The following GABRG3 variants were observed in gnomAD, a reference collection of about 807,000 sequenced individuals.
GABRG3 encodes the protein gamma-aminobutyric acid receptor subunit gamma-3.
A neutral mutation model predicts 48.8 loss-of-function variants in GABRG3; 25 were observed. The observed-to-expected ratio is 0.51, with a 90% confidence interval of 0.37 to 0.72. The LOEUF (loss-of-function observed/expected upper bound fraction) is 0.72. GABRG3 is among the 30% of genes least tolerant of loss of function. The pLI is 0.00. For missense variants in GABRG3, 394 were observed against 577.9 expected, an observed-to-expected ratio of 0.68 and a Z score of 3.26; for synonymous variants, 227 against 217.6, an observed-to-expected ratio of 1.04 and a Z score of -0.38.
chr15:27,028,481 A>G (rs957318124), intron 3 of GABRG3, among the ~76,000 whole-genome samples: 4 of 152,114 alleles, frequency 2.6e-5, no homozygotes, highest in Non-Finnish European at 5.9e-5. Context: ...TTTTCCCATC[A>G]GAGATCTGAG....
At chr15:27,517,125 G>A (rs112490865) in intron 6 of GABRG3, among the ~76,000 whole-genome samples, 3 of 151,148 alleles carry the variant, frequency 2.0e-5, no homozygotes, top group African/African-American at 4.9e-5. Flanking sequence ...GACTAGTGCC[G>A]CCTCTATCAT....
Position 27,433,704 on chromosome 15 carries a change from G to A in GABRG3, c.575-46946G>A, listed in dbSNP as rs1888525034. On this transcript the variant is annotated intron_variant, in intron 5 of 9. Transcript: ENST00000615808. ...TATGTGTGTCGATATGGTTCATATG[G>A]CAAACAATTGCTCTATCGCTATGGA... is the stretch of plus-strand genomic sequence containing the variant. 4.6e-5 allele frequency among the ~76,000 whole-genome samples: 7 copies of A among 152,128 alleles called. No individual in the cohort carries two copies. The South Asian group carries it at 1.4e-3, about 31-fold the overall frequency.
chr15:27,165,841 G>C (rs1887353415), intron 3 of GABRG3, among the ~76,000 whole-genome samples: 1 of 152,146 alleles, frequency 6.6e-6, no homozygotes, highest in Admixed American at 6.5e-5. Flanking sequence ...CAAAGGAGGA[G>C]GTGGTTGCTA....
At chr15:27,369,479 T>C (rs1378075135) in intron 5 of GABRG3, among the ~76,000 whole-genome samples, 1 of 152,162 alleles carries the variant, frequency 6.6e-6, no homozygotes, top group Non-Finnish European at 1.5e-5. Context: ...CTGGAAGATA[T>C]TCTAGGAATA....
intron 3 of GABRG3, among the ~76,000 whole-genome samples, chr15:27,261,847 T>C (rs1033751729): frequency 6.6e-6 from 1 of 152,206 alleles, no homozygotes; most frequent in African/African-American, 2.4e-5. Flanking sequence ...CCACTCTCTA[T>C]ATTTATATCT....
intron 3 of GABRG3, among the ~76,000 whole-genome samples, chr15:27,218,390 A>T (rs1231218231): frequency 6.6e-6 from 1 of 152,224 alleles, no homozygotes; most frequent in Admixed American, 6.5e-5. Context: ...GCTCTTATTC[A>T]GAAAAGGGGA....
At chr15:27,316,216 T>A (rs1893210428) in intron 3 of GABRG3, among the ~76,000 whole-genome samples, 1 of 151,334 alleles carries the variant, frequency 6.6e-6, no homozygotes, top group African/African-American at 2.4e-5. Context: ...TGAAACCCCG[T>A]CTCTACTAAA....
At chr15:27,122,978 G>T (rs182125981) in intron 3 of GABRG3, among the ~76,000 whole-genome samples, 68 of 152,298 alleles carry the variant, frequency 4.5e-4, no homozygotes, top group Non-Finnish European at 8.7e-4. Context: ...CCTCTAGTAA[G>T]ATGAAGGGCA....
chr15:27,491,517 C>T (rs1890355078), intron 6 of GABRG3, among the ~76,000 whole-genome samples: 1 of 152,208 alleles, frequency 6.6e-6, no homozygotes, highest in Admixed American at 6.5e-5. Context: ...TCTACTACCA[C>T]CTTGATTCTA....
chr15:27,470,131 C>T (rs1276429756), intron 5 of GABRG3, among the ~76,000 whole-genome samples: 1 of 152,168 alleles, frequency 6.6e-6, no homozygotes, highest in African/African-American at 2.4e-5. Flanking sequence ...AATTCTTTCC[C>T]TTTACTTATC....
chr15:27,066,673 A>G (rs1272591148), intron 3 of GABRG3, among the ~76,000 whole-genome samples: 1 of 151,912 alleles, frequency 6.6e-6, no homozygotes, highest in Non-Finnish European at 1.5e-5. Context: ...CCACAGAGAG[A>G]GGCCAGAGCC....
chr15:27,093,010 C>T (rs1166029421), intron 3 of GABRG3, among the ~76,000 whole-genome samples: 1 of 152,034 alleles, frequency 6.6e-6, no homozygotes, highest in East Asian at 1.9e-4. Context: ...TTTCCTGGCA[C>T]ACATCCCCAG....
intron 9 of GABRG3, among the ~76,000 whole-genome samples, chr15:27,528,489 C>T (rs998211974): frequency 1.3e-5 from 2 of 152,180 alleles, no homozygotes; most frequent in Non-Finnish European, 2.9e-5. Flanking sequence ...TTTTCACTAC[C>T]AATTTGTATA....
chr15:27,271,525 T>A (rs1377924552), intron 3 of GABRG3: 2 of 455,762 alleles, frequency 4.4e-6, no homozygotes, highest in Non-Finnish European at 8.8e-6. Flanking sequence ...GGCCACGCCC[T>A]TTAGGAGATC....
rs148920967 is a variant in GABRG3, at chr15:27,442,483, G to A, written c.575-38167G>A. On this transcript the variant is annotated intron_variant, in intron 5 of 9. Transcript: ENST00000615808. ...GTGTGCTCCACAGCTCTGCTGCTCC[G>A]GGCGGCACAAGCCCTGGGGAGAGGA... 2.6e-4 allele frequency among the ~76,000 whole-genome samples: 40 copies of A among 152,280 alleles called. 1 individual carries two copies. In the Middle Eastern group the frequency reaches 0.017, roughly 65 times the overall value.
chr15:27,091,193 T>C (rs1239131191), intron 3 of GABRG3, among the ~76,000 whole-genome samples: 1 of 152,252 alleles, frequency 6.6e-6, no homozygotes, highest in Non-Finnish European at 1.5e-5. Flanking sequence ...TTTTCATCAT[T>C]AACAGATACT....
intron 5 of GABRG3, among the ~76,000 whole-genome samples, chr15:27,435,013 T>C (rs2140626657): frequency 6.6e-6 from 1 of 152,128 alleles, no homozygotes; most frequent in African/African-American, 2.4e-5. Flanking sequence ...TGCCAAGCTC[T>C]CTCTGTGCCA....
chr15:27,168,076 C>A (rs913307111), intron 3 of GABRG3, among the ~76,000 whole-genome samples: 2 of 151,370 alleles, frequency 1.3e-5, no homozygotes, highest in Non-Finnish European at 1.5e-5. Context: ...ATGGGAAAAA[C>A]AGCACTTGGT....
chr15:27,085,797 T>C (rs1407611122), intron 3 of GABRG3, among the ~76,000 whole-genome samples: 1 of 152,170 alleles, frequency 6.6e-6, no homozygotes, highest in Non-Finnish European at 1.5e-5. Context: ...ACAATAAAAA[T>C]TGTTCAGCTT....
Sources: allele counts gnomAD v4.1 joint callset (sites outside exome capture counted in the v4.1 genomes callset), GRCh38; gene constraint gnomAD v4.1.1; transcripts MANE v1.5; gene names NCBI Gene and HGNC (gene_info 2026-07-23, HGNC 2026-07-21).